Variants in SEMA4D observed in about 807,000 individuals in gnomAD.
SEMA4D encodes semaphorin-4D.
Under a neutral mutation model 74.8 loss-of-function variants are expected in SEMA4D, and 22 were observed. The ratio of observed to expected loss-of-function variants is 0.29; its 90% confidence interval spans 0.21 to 0.42. The LOEUF is 0.42. SEMA4D is among the 10% of genes least tolerant of loss of function. SEMA4D has a pLI of 1.00. For missense variants in SEMA4D, 937 were observed against 1,118.4 expected, an observed-to-expected ratio of 0.84 and a Z score of 2.31; for synonymous variants, 445 against 463.7, an observed-to-expected ratio of 0.96 and a Z score of 0.52.
chr9:89,424,876 C>T (rs1371768999), intron 2 of SEMA4D, among the ~76,000 whole-genome samples: 1 of 152,150 alleles, frequency 6.6e-6, no homozygotes, highest in African/African-American at 2.4e-5. Context: ...ACAAGGCATG[C>T]TTATTTCTTA....
At chr9:89,454,453 C>A (rs1409262028) in intron 2 of SEMA4D, among the ~76,000 whole-genome samples, 1 of 152,186 alleles carries the variant, frequency 6.6e-6, no homozygotes, top group African/African-American at 2.4e-5. Flanking sequence ...TATTTCCACA[C>A]CAGATCTAGC....
In SEMA4D at chr9:89,417,699, C is replaced by T. The variant is rs190328235; in HGVS notation, c.-243-12000G>A. 2.6e-5 allele frequency among the ~76,000 whole-genome samples: 4 copies of T among 152,342 alleles called. No homozygotes were observed. In the East Asian group the frequency reaches 7.7e-4, roughly 29 times the overall value. On this transcript the variant is annotated intron_variant, in intron 2 of 15. Coordinates refer to ENST00000422704, the MANE Select transcript of SEMA4D (RefSeq NM_001371194.2). ...CCACACCTTACCAGCCACCTTCCTG[C>T]ACCCTCCAAAAGAAGAGAGTAAGCT...
chr9:89,399,385 C>G (rs1346355527), intron 4 of SEMA4D, 47 bp from the exon 5 acceptor site: 3 of 1,394,532 alleles, frequency 2.2e-6, no homozygotes, highest in Non-Finnish European at 3.1e-6. Context: ...TAAAGAGATA[C>G]TAGTATAAAA....
intron 2 of SEMA4D, among the ~76,000 whole-genome samples, chr9:89,452,173 G>GTTT (rs1362131550): frequency 0.015 from 929 of 62,088 alleles, 11 homozygotes; most frequent in African/African-American, 0.066. Flanking sequence ...TCCTGTCTTG[G>GTTT]TTTTTTTTGT....
intron 2 of SEMA4D, among the ~76,000 whole-genome samples, chr9:89,415,074 G>A (rs1376167332): frequency 6.6e-6 from 1 of 152,200 alleles, no homozygotes; most frequent in African/African-American, 2.4e-5. Context: ...AGGAAGGGTG[G>A]GGACCCCTCT....
At chr9:89,401,765 G>A (rs1337942613) in intron 4 of SEMA4D, among the ~76,000 whole-genome samples, 3 of 152,186 alleles carry the variant, frequency 2.0e-5, no homozygotes, top group Admixed American at 6.5e-5. Flanking sequence ...CATCGATTCT[G>A]CATTTCCCAA....
At chr9:89,409,611 T>C (rs1844077872) in intron 2 of SEMA4D, among the ~76,000 whole-genome samples, 1 of 152,050 alleles carries the variant, frequency 6.6e-6, no homozygotes, top group African/African-American at 2.4e-5. Flanking sequence ...GGAACAGGCC[T>C]AGGAGTTCCT....
At chr9:89,370,369 G>A (rs1246527005) in intron 16 of SEMA4D, among the ~76,000 whole-genome samples, 1 of 143,516 alleles carries the variant, frequency 7.0e-6, no homozygotes, top group Non-Finnish European at 1.5e-5. Context: ...GTATCTGTAC[G>A]TATGTGGTGT....
At chr9:89,416,309 C>A (rs1044196170) in intron 2 of SEMA4D, among the ~76,000 whole-genome samples, 2 of 152,190 alleles carry the variant, frequency 1.3e-5, no homozygotes, top group African/African-American at 4.8e-5. Flanking sequence ...CCTGCCATGA[C>A]GTGACAGTAA....
chr9:89,360,868 C>G (rs1461257620), exon 19 of SEMA4D: 1 of 152,152 alleles, frequency 6.6e-6, no homozygotes, highest in African/African-American at 2.4e-5. Context: ...CTCCATTTCC[C>G]AGTAGAACAC....
chr9:89,486,032 A>G (rs1825180145), intron 1 of SEMA4D, among the ~76,000 whole-genome samples: 1 of 152,182 alleles, frequency 6.6e-6, no homozygotes, highest in Non-Finnish European at 1.5e-5. Context: ...TGAGACGGAT[A>G]GAGTTTGGCA....
intron 13 of SEMA4D, chr9:89,384,555 G>A: frequency 1.7e-6 from 1 of 603,284 alleles, no homozygotes; most frequent in African/African-American, 2.0e-5. Context: ...CCTGCAGACA[G>A]ACAGTGGTAA....
At chr9:89,377,163 C>G, downstream of SEMA4D, 1 of 1,430,366 alleles carries the variant, frequency 7.0e-7, no homozygotes, top group Non-Finnish European at 9.2e-7. Flanking sequence ...AAAGAGCGAG[C>G]CCAGCTGTCC....
intron 1 of SEMA4D, among the ~76,000 whole-genome samples, chr9:89,466,841 T>TC (rs1858857167): frequency 6.6e-6 from 1 of 152,156 alleles, no homozygotes; most frequent in Non-Finnish European, 1.5e-5. Context: ...GAGCCTGATG[T>TC]CATTATCGGA....
intron 18 of SEMA4D, among the ~76,000 whole-genome samples, chr9:89,363,268 C>CCG (rs1833011752): frequency 9.9e-6 from 1 of 100,506 alleles, no homozygotes; most frequent in Admixed American, 1.4e-4. Context: ...CGTGGGATTT[C>CCG]CCCCCCCAGT....
Position 89,422,493 on chromosome 9 carries a change from G to A in SEMA4D, c.-243-16794C>T, listed in dbSNP as rs571497633. On this transcript the variant is annotated intron_variant, in intron 2 of 15. Coordinates refer to ENST00000422704, the MANE Select transcript of SEMA4D (RefSeq NM_001371194.2). ...GACCTGAAGTCCAAGAGAGAGGCTG[G>A]AGCCTACAGGCTGGTAGAGGAAGAG... Among the ~76,000 whole-genome samples, 13 of 152,348 alleles carry A rather than the reference G, an allele frequency of 8.5e-5. No homozygotes were observed. The South Asian group carries it at 2.7e-3, about 32-fold the overall frequency.
chr9:89,391,532 T>C, intron 8 of SEMA4D, 117 bp from the exon 9 acceptor site: 1 of 935,678 alleles, frequency 1.1e-6, no homozygotes, highest in South Asian at 1.5e-5. Context: ...CCTGCAAGGA[T>C]GTCTGGAGTG....
intron 9 of SEMA4D, 66 bp downstream of exon 9, chr9:89,391,198 A>G (rs887269989): frequency 1.9e-5 from 29 of 1,525,872 alleles, no homozygotes; most frequent in Non-Finnish European, 2.6e-5. Flanking sequence ...GTCAGGAGCC[A>G]CCCATCATCC....
At position 89,484,527 on chromosome 9, in the gene SEMA4D, G is replaced by A. The variant is rs1824999773; in HGVS notation, c.-310+13392C>T. 6.6e-6 allele frequency among the ~76,000 whole-genome samples: 1 copy of A among 151,262 alleles called. No homozygotes were observed. Among genetic ancestry groups the A allele is most frequent in the South Asian group, 2.1e-4 (1 of 4,776 alleles). The stretch of plus-strand genomic sequence containing the variant: ...TTTGTGTAGTGTGTGTGGTGTGTAT[G>A]GACTGGGTGTGTGGGGTGGGGAGGT... On this transcript the variant is annotated intron_variant, in intron 1 of 15. Transcript: ENST00000422704. This position sits in a 1 kb window ranked among gnomAD's most constrained non-coding sequence, Gnocchi z 4.1.
Sources: gnomAD v4.1 joint callset for allele counts (sites outside exome capture counted in the v4.1 genomes callset) on GRCh38, gnomAD v4.1.1 for gene constraint, Gnocchi (gnomAD v3.1) non-coding constraint, MANE v1.5 for transcripts, NCBI Gene and HGNC (gene_info 2026-07-23, HGNC 2026-07-21) for gene names.